LSAMP: variants seen among roughly 807,000 people sequenced by gnomAD.
LSAMP encodes the protein limbic system-associated membrane protein.
Under a neutral mutation model 38.6 loss-of-function variants are expected in LSAMP, and 7 were observed. That is an observed-to-expected ratio of 0.18 (90% confidence interval 0.10 to 0.34). LSAMP has a LOEUF of 0.34. LSAMP is among the 10% of genes least tolerant of loss of function. LSAMP has a pLI of 1.00. For missense variants in LSAMP, 313 were observed against 420.0 expected, an observed-to-expected ratio of 0.75 and a Z score of 2.23; for synonymous variants, 154 against 166.8, an observed-to-expected ratio of 0.92 and a Z score of 0.59.
intron 3 of LSAMP, among the ~76,000 whole-genome samples, chr3:115,895,152 C>A (rs184904032): frequency 6.6e-6 from 1 of 152,176 alleles, no homozygotes; most frequent in African/African-American, 2.4e-5. Flanking sequence ...AGGCTTTTGT[C>A]CTTTAACTAT....
Position 115,807,233 on chromosome 3 carries a change from CTT to C in LSAMP, c.*3082_*3083del, listed in dbSNP as rs1559828375. 6.6e-6 allele frequency: 1 copy of C among 152,100 alleles called. No individual in the cohort carries two copies. The highest frequency in any genetic ancestry group is 2.4e-5 in the African/African-American group (1 of 41,406). The allele number at this position is 152,100 out of a possible 1,614,324, so 9.4% of individuals were successfully genotyped here. A position where few individuals can be genotyped will look rare whatever the true frequency, so the allele number is the denominator to read the frequency against. ...GTCCTCTGGCCCTACCTTTCCCTGA[CTT>C]TTCTCTAAACTATATTTTCCTCCAT... On this transcript the variant is annotated 3_prime_UTR_variant, in exon 7 of 7. Transcript: ENST00000490035.
chr3:116,195,136 G>A (rs1710852877), intron 1 of LSAMP, among the ~76,000 whole-genome samples: 1 of 152,098 alleles, frequency 6.6e-6, no homozygotes, highest in Non-Finnish European at 1.5e-5. Flanking sequence ...TTTGGAGATG[G>A]CTATATTTCC....
In LSAMP at chr3:115,890,439, CAGGTTA is replaced by C. The variant is rs372859673; in HGVS notation, c.515-37828_515-37823del. ...ATTAATCAACATGGAACTAGTAGTT[CAGGTTA>C]AGCCTCTCTTACAGACCACATTACT... is the stretch of plus-strand genomic sequence containing the variant. On this transcript the variant is annotated intron_variant, in intron 3 of 6. Transcript: ENST00000490035. Among the ~76,000 whole-genome samples, 587 of 152,018 alleles carry C rather than the reference CAGGTTA, an allele frequency of 3.9e-3. 3 individuals are homozygous for C. Among genetic ancestry groups the C allele is most frequent in the African/African-American group, 0.013 (558 of 41,508 alleles).
intron 2 of LSAMP, among the ~76,000 whole-genome samples, chr3:116,084,455 C>CA (rs57753152): frequency 0.031 from 3,140 of 102,136 alleles, 46 homozygotes; most frequent in South Asian, 0.078. Flanking sequence ...AAAATCATGG[C>CA]AAAAAAAAAA....
chr3:116,418,185 T>A (rs1026415504), intron 1 of LSAMP, among the ~76,000 whole-genome samples: 2 of 152,206 alleles, frequency 1.3e-5, no homozygotes, highest in South Asian at 4.1e-4. Flanking sequence ...TATTTTAAAG[T>A]ACAAATCTTT....
intron 3 of LSAMP, among the ~76,000 whole-genome samples, chr3:115,876,624 G>A (rs1174499371): frequency 6.6e-6 from 1 of 151,958 alleles, no homozygotes; most frequent in Non-Finnish European, 1.5e-5. Context: ...CTTCACCCAG[G>A]TTTCTGTCAT....
At chr3:116,045,223 T>C (rs971220809) in intron 2 of LSAMP, among the ~76,000 whole-genome samples, 1 of 152,168 alleles carries the variant, frequency 6.6e-6, no homozygotes, top group Non-Finnish European at 1.5e-5. Context: ...AGAGAAGAAA[T>C]TTAACTACTT....
rs576097777 is a variant in LSAMP, at chr3:116,314,550, C to T, written c.155+130327G>A. ...CATCCTGTAAAATGTGAAATAAGCCCATCTGAATGAAAGGAAAATAAAATT... is the reference window on the plus strand; with the variant it reads ...CATCCTGTAAAATGTGAAATAAGCCTATCTGAATGAAAGGAAAATAAAATT... On this transcript the variant is annotated intron_variant, in intron 1 of 6. Transcript: ENST00000490035. 2.0e-5 allele frequency among the ~76,000 whole-genome samples: 3 copies of T among 152,238 alleles called. No individual in the cohort carries two copies. The South Asian group carries it at 6.2e-4, about 32-fold the overall frequency.
chr3:116,336,704 G>A (rs949543046), intron 1 of LSAMP, among the ~76,000 whole-genome samples: 2 of 151,760 alleles, frequency 1.3e-5, no homozygotes, highest in Admixed American at 6.6e-5. Flanking sequence ...AATGCAAAAT[G>A]GTATAGTTGC....
chr3:116,112,230 G>A (rs1708631850), intron 1 of LSAMP, among the ~76,000 whole-genome samples: 1 of 152,196 alleles, frequency 6.6e-6, no homozygotes, highest in African/African-American at 2.4e-5. Flanking sequence ...CCTTAGAAAT[G>A]TGTGTCTTGG....
chr3:116,010,424 A>T (rs1940291684), intron 3 of LSAMP, among the ~76,000 whole-genome samples: 1 of 152,222 alleles, frequency 6.6e-6, no homozygotes, highest in Non-Finnish European at 1.5e-5. Context: ...TGTGCCAGGC[A>T]CTACAATGGG....
intron 3 of LSAMP, among the ~76,000 whole-genome samples, chr3:115,861,822 G>A (rs1935711972): frequency 1.3e-5 from 2 of 150,320 alleles, no homozygotes; most frequent in Non-Finnish European, 2.9e-5. Flanking sequence ...AGAGATTTTA[G>A]CTAACTGTGG....
intron 1 of LSAMP, among the ~76,000 whole-genome samples, chr3:116,275,596 T>C (rs149419485): frequency 1.9e-4 from 29 of 152,300 alleles, no homozygotes; most frequent in African/African-American, 7.2e-5. Flanking sequence ...CCTCACTCTT[T>C]AGGTTTCATA....
At chr3:115,920,475 T>G (rs960152129) in intron 3 of LSAMP, among the ~76,000 whole-genome samples, 1 of 152,234 alleles carries the variant, frequency 6.6e-6, no homozygotes, top group Non-Finnish European at 1.5e-5. Flanking sequence ...TTGAACATCT[T>G]ACATATACCT....
At chr3:116,097,827 C>A (rs1267641873) in intron 1 of LSAMP, among the ~76,000 whole-genome samples, 1 of 152,080 alleles carries the variant, frequency 6.6e-6, no homozygotes, top group South Asian at 2.1e-4. Context: ...CCTCGGCCTC[C>A]TGGGTTCAAG....
intron 1 of LSAMP, among the ~76,000 whole-genome samples, chr3:116,364,393 C>A (rs1199943689): frequency 6.1e-5 from 1 of 16,380 alleles, no homozygotes. Context: ...ACATTCCATG[C>A]TCATGGGTAG....
At chr3:115,871,744 A>C (rs1337938636) in intron 3 of LSAMP, among the ~76,000 whole-genome samples, 1 of 151,962 alleles carries the variant, frequency 6.6e-6, no homozygotes, top group Non-Finnish European at 1.5e-5. Flanking sequence ...GTTACTTTTG[A>C]AGCTTTGTAA....
chr3:116,138,338 TCTCA>T (rs1465904275), intron 1 of LSAMP, among the ~76,000 whole-genome samples: 5 of 152,108 alleles, frequency 3.3e-5, no homozygotes, highest in Admixed American at 3.3e-4. Context: ...ACTGTTTCTC[TCTCA>T]GTCAATTGTG....
chr3:116,157,954 C>T lies in LSAMP; in HGVS notation c.156-71398G>A, dbSNP rs576768237. On this transcript the variant is annotated intron_variant, in intron 1 of 6. Transcript: ENST00000490035. Reference sequence around the variant, plus strand: ...TAATGAACATAGATGCAAAAATCCTCAACAAAATACTAGCAAACCAAATCT... The same window carrying T: ...TAATGAACATAGATGCAAAAATCCTTAACAAAATACTAGCAAACCAAATCT... Among the ~76,000 whole-genome samples the T allele has an allele frequency of 2.0e-5, 3 of 152,214 alleles. No individual in the cohort carries two copies. In the East Asian group the frequency reaches 5.8e-4, roughly 29 times the overall value.
Sources: allele counts gnomAD v4.1 joint callset (sites outside exome capture counted in the v4.1 genomes callset), GRCh38; gene constraint gnomAD v4.1.1; transcripts MANE v1.5; gene names NCBI Gene and HGNC (gene_info 2026-07-23, HGNC 2026-07-21).